THSD7B: variants seen among roughly 807,000 people sequenced by gnomAD.
The protein encoded by THSD7B is thrombospondin type-1 domain-containing protein 7B.
THSD7B carries 138 observed loss-of-function variants against 213.6 expected under a neutral mutation model. The observed-to-expected ratio is 0.65, with a 90% CI of 0.56 to 0.74. The LOEUF (loss-of-function observed/expected upper bound fraction) is 0.74, where lower values mean the gene tolerates loss of function less well. THSD7B is among the 30% of genes least tolerant of loss of function. The pLI, the probability that THSD7B is intolerant of heterozygous loss-of-function variation, is 0.00. For synonymous variants in THSD7B, 742 were observed against 687.0 expected (o/e 1.08, Z -1.25); for missense variants, 1,931 against 1,991.5 (o/e 0.97, Z 0.58).
At chr2:136,914,956 G>A (rs1306198374) in intron 2 of THSD7B, among the ~76,000 whole-genome samples, 1 of 152,076 alleles carries the variant, frequency 6.6e-6, no homozygotes, top group African/African-American at 2.4e-5. Context: ...AAAGAGATAG[G>A]CAAGATAAAT....
intron 1 of THSD7B, among the ~76,000 whole-genome samples, chr2:136,810,564 G>A (rs1360787004): frequency 6.6e-6 from 1 of 152,202 alleles, no homozygotes; most frequent in African/African-American, 2.4e-5. Flanking sequence ...CTTTCTCTGA[G>A]AAAGTCTTAA....
intron 12 of THSD7B, among the ~76,000 whole-genome samples, chr2:137,280,312 G>A (rs530606066): frequency 1.1e-4 from 16 of 152,138 alleles, no homozygotes; most frequent in South Asian, 4.1e-4. Context: ...GGGGTGTTAC[G>A]GATTCCTTAC....
rs542788747 is a variant in THSD7B at position 136,942,010 on chromosome 2, A to G, written c.139+59693A>G. Among the ~76,000 whole-genome samples, 5 of 152,272 alleles carry G rather than the reference A, an allele frequency of 3.3e-5. No individual in the cohort carries two copies. In the South Asian group the frequency reaches 1.0e-3, roughly 32 times the overall value. ...ACATTTAAGTCTTTAATCCATCTTG[A>G]ATTAATTTTTGTATAAGGTGTACGG... On this transcript the variant is annotated intron_variant, in intron 2 of 27. Transcript: ENST00000409968.
chr2:137,602,099 C>A (rs1682084655), intron 17 of THSD7B, among the ~76,000 whole-genome samples: 1 of 152,148 alleles, frequency 6.6e-6, no homozygotes, highest in South Asian at 2.1e-4. Flanking sequence ...TGAGGGAATA[C>A]AATCCAAATT....
intron 5 of THSD7B, among the ~76,000 whole-genome samples, chr2:137,140,762 A>G (rs953216066): frequency 1.3e-5 from 2 of 152,182 alleles, no homozygotes; most frequent in East Asian, 3.8e-4. Flanking sequence ...CAAAGCAGTA[A>G]GTCTTTTTAG....
At chr2:137,610,004 C>A (rs1350553602) in intron 17 of THSD7B, among the ~76,000 whole-genome samples, 1 of 152,034 alleles carries the variant, frequency 6.6e-6, no homozygotes, top group Non-Finnish European at 1.5e-5. Context: ...ACCTGAGCCT[C>A]TAGATTGTCG....
chr2:137,310,739 C>CA (rs1351056590), intron 12 of THSD7B, among the ~76,000 whole-genome samples: 2 of 151,946 alleles, frequency 1.3e-5, no homozygotes, highest in African/African-American at 4.8e-5. Context: ...CCAGTTTTCC[C>CA]AGCACCATTT....
intron 12 of THSD7B, among the ~76,000 whole-genome samples, chr2:137,293,630 A>G (rs1683390798): frequency 6.6e-6 from 1 of 152,048 alleles, no homozygotes; most frequent in African/African-American, 2.4e-5. Context: ...TTGTTATTCC[A>G]ATATTCTGTA....
At chr2:137,415,055 C>CAAAAAAAA (rs56403642) in intron 14 of THSD7B, among the ~76,000 whole-genome samples, 56,762 of 120,560 alleles carry the variant, frequency 0.47, 15,840 homozygotes, top group East Asian at 0.66. Flanking sequence ...GACCCTGTCT[C>CAAAAAAAA]AAAAAAAAAA....
intron 21 of THSD7B, among the ~76,000 whole-genome samples, chr2:137,647,415 GTCTCTT>G (rs1683054073): frequency 1.1e-5 from 1 of 92,448 alleles, no homozygotes; most frequent in Admixed American, 9.4e-5. Flanking sequence ...ATCTCTCTCT[GTCTCTT>G]TCTCTCTCTC....
At chr2:136,766,827 C>T (rs1441013149) in intron 1 of THSD7B, among the ~76,000 whole-genome samples, 6 of 152,130 alleles carry the variant, frequency 3.9e-5, no homozygotes, top group East Asian at 3.9e-4. Flanking sequence ...TGCTGAAAGC[C>T]GGCAGTTTCC....
At chr2:137,261,366 G>A (rs943779413) in intron 10 of THSD7B, among the ~76,000 whole-genome samples, 5 of 152,150 alleles carry the variant, frequency 3.3e-5, no homozygotes, top group African/African-American at 4.8e-5. Flanking sequence ...ACACTAACCT[G>A]TCTCCCAACT....
At chr2:137,082,988 T>C (rs1402741775) in intron 3 of THSD7B, among the ~76,000 whole-genome samples, 1 of 152,096 alleles carries the variant, frequency 6.6e-6, no homozygotes, top group East Asian at 1.9e-4. Context: ...ACAATCTCTT[T>C]ATTCCACAGA....
intron 2 of THSD7B, among the ~76,000 whole-genome samples, chr2:136,926,261 A>G (rs960897570): frequency 4.6e-5 from 7 of 151,970 alleles, no homozygotes; most frequent in Non-Finnish European, 1.0e-4. Context: ...TTCTTGATTA[A>G]CTGAAGTAGT....
chr2:137,597,613 C>A (rs1573733983), intron 17 of THSD7B, among the ~76,000 whole-genome samples: 1 of 151,970 alleles, frequency 6.6e-6, no homozygotes, highest in Non-Finnish European at 1.5e-5. Context: ...CTACGGAGAA[C>A]ATATAGTCAG....
At chr2:137,285,159 C>G (rs1412254757) in intron 12 of THSD7B, among the ~76,000 whole-genome samples, 1 of 152,064 alleles carries the variant, frequency 6.6e-6, no homozygotes, top group Non-Finnish European at 1.5e-5. Context: ...ATGTAATGGC[C>G]TTCTTTGTCT....
chr2:137,215,027 G>A (rs188726062), intron 7 of THSD7B, among the ~76,000 whole-genome samples: 11 of 152,280 alleles, frequency 7.2e-5, no homozygotes, highest in African/African-American at 2.6e-4. Context: ...CACAATGGTT[G>A]AACTAATTTA....
At position 137,489,217 on chromosome 2, in the gene THSD7B, G is replaced by C. The variant is rs550656744; in HGVS notation, c.3138+38194G>C. ...TGAGGCTGGTGGATCACGAGGTCAG[G>C]AGATCGAGACCATCCTGGCCAACAT... is the stretch of plus-strand genomic sequence containing the variant. On this transcript the variant is annotated intron_variant, in intron 15 of 27. Coordinates refer to ENST00000409968, the MANE Select transcript of THSD7B (RefSeq NM_001316349.2). 3.9e-5 allele frequency among the ~76,000 whole-genome samples: 6 copies of C among 152,100 alleles called. No individual in the cohort carries two copies. The South Asian group carries it at 1.2e-3, about 32-fold the overall frequency.
At chr2:137,331,123 T>C (rs1334485585) in intron 12 of THSD7B, among the ~76,000 whole-genome samples, 1 of 138,702 alleles carries the variant, frequency 7.2e-6, no homozygotes. Flanking sequence ...CCGACTGGTG[T>C]ATTTACAATC....
Sources: gnomAD v4.1 joint callset for allele counts (sites outside exome capture counted in the v4.1 genomes callset) on GRCh38, gnomAD v4.1.1 for gene constraint, MANE v1.5 for transcripts, NCBI Gene and HGNC (gene_info 2026-07-23, HGNC 2026-07-21) for gene names.